Variants in PTPRN2 observed in about 807,000 individuals in gnomAD.
The protein encoded by PTPRN2 is protein tyrosine phosphatase receptor type N2.
A neutral mutation model predicts 118.8 loss-of-function variants in PTPRN2; 74 were observed. That is an observed-to-expected ratio of 0.62 (90% confidence interval 0.52 to 0.76). The LOEUF is 0.76. Ranked by LOEUF, PTPRN2 falls within the 30% of genes least tolerant of loss-of-function variation. PTPRN2 has a pLI of 0.00. For synonymous variants in PTPRN2, 641 were observed against 608.0 expected (o/e 1.05, Z -0.80); for missense variants, 1,481 against 1,394.4 (o/e 1.06, Z -0.99).
At chr7:158,412,264 G>A (rs1386584736) in intron 2 of PTPRN2, among the ~76,000 whole-genome samples, 1 of 91,222 alleles carries the variant, frequency 1.1e-5, no homozygotes, top group African/African-American at 4.8e-5. Context: ...ACCCTCCTCA[G>A]CACCAGGGCC....
At chr7:157,803,946 C>T (rs1805474399) in intron 12 of PTPRN2, among the ~76,000 whole-genome samples, 1 of 152,052 alleles carries the variant, frequency 6.6e-6, no homozygotes, top group South Asian at 2.1e-4. Context: ...TAACATTTTC[C>T]CTAGACAGTG....
At position 157,711,291 on chromosome 7, in the gene PTPRN2, G is replaced by C. The variant is rs1216592222; in HGVS notation, c.1789-28354C>G. Among the ~76,000 whole-genome samples the C allele has an allele frequency of 4.2e-4, 3 of 7,098 alleles. 1 individual carries two copies. The highest frequency in any genetic ancestry group is 6.6e-4 in the Non-Finnish European group (3 of 4,532). The allele number at this position is 7,098 out of a possible 152,430, so 4.7% of individuals were successfully genotyped here. On this transcript the variant is annotated intron_variant, in intron 12 of 22. Transcript: ENST00000389418. ...AGGTTCCGGGGCAGCCGGGTTACACGCGAGAGCCCCACGCGCCGGAGGTTC... is the reference window on the plus strand; with the variant it reads ...AGGTTCCGGGGCAGCCGGGTTACACCCGAGAGCCCCACGCGCCGGAGGTTC...
chr7:158,585,226 G>A (rs143295610), intron 1 of PTPRN2, among the ~76,000 whole-genome samples: 2,423 of 152,306 alleles, frequency 0.016, 49 homozygotes, highest in Admixed American at 0.054. Flanking sequence ...CTGACAAAAT[G>A]GCAGCAACAC....
At position 157,813,427 on chromosome 7, in the gene PTPRN2, A is replaced by C. The variant is rs947627503; in HGVS notation, c.1788+85246T>G. ...CGGACAGGGGTTCGATACGCCATTC[A>C]GGTCCCCAAAACAGCATGTGCAGCT... On this transcript the variant is annotated intron_variant, in intron 12 of 22. Transcript: ENST00000389418. This position sits in a 1 kb window ranked among gnomAD's most constrained non-coding sequence, Gnocchi z 4.7. Among the ~76,000 whole-genome samples, 4 of 152,174 alleles carry C rather than the reference A, an allele frequency of 2.6e-5. No individual in the cohort carries two copies. Among genetic ancestry groups the C allele is most frequent in the African/African-American group, 9.7e-5 (4 of 41,408 alleles).
chr7:157,541,663 C>A (rs1191941099), intron 22 of PTPRN2, among the ~76,000 whole-genome samples: 1 of 152,220 alleles, frequency 6.6e-6, no homozygotes, highest in Non-Finnish European at 1.5e-5. Flanking sequence ...TGGACGGAAA[C>A]AACACTGTTA....
intron 21 of PTPRN2, 126 bp downstream of exon 21, chr7:157,568,776 G>A (rs1003372362): frequency 3.2e-6 from 3 of 926,944 alleles, no homozygotes; most frequent in Non-Finnish European, 5.2e-6. Context: ...CCTTCCTACG[G>A]CCCAGCAGAG....
At chr7:157,847,345 A>G (rs1318485744) in intron 12 of PTPRN2, among the ~76,000 whole-genome samples, 3 of 144,256 alleles carry the variant, frequency 2.1e-5, no homozygotes, top group Admixed American at 6.9e-5. Context: ...CTCTCATTAC[A>G]TCTTCTGTGC....
chr7:158,153,134 C>A (rs1008083602), intron 6 of PTPRN2, among the ~76,000 whole-genome samples: 1 of 152,168 alleles, frequency 6.6e-6, no homozygotes, highest in African/African-American at 2.4e-5. Context: ...CGGAACGATG[C>A]CGAGTGTGGC....
intron 2 of PTPRN2, among the ~76,000 whole-genome samples, chr7:158,422,417 C>G (rs753563089): frequency 3.9e-5 from 6 of 152,174 alleles, no homozygotes; most frequent in Non-Finnish European, 8.8e-5. Flanking sequence ...CAAATCTGGA[C>G]ACGGAATTGA....
chr7:157,788,333 C>T (rs990883700), intron 12 of PTPRN2, among the ~76,000 whole-genome samples: 8 of 149,052 alleles, frequency 5.4e-5, no homozygotes, highest in Non-Finnish European at 1.2e-4. Context: ...TGAGATTGCA[C>T]CACTGCACTC....
chr7:158,310,632 G>A (rs1184982416), intron 3 of PTPRN2, among the ~76,000 whole-genome samples: 1 of 152,154 alleles, frequency 6.6e-6, no homozygotes, highest in Non-Finnish European at 1.5e-5. Flanking sequence ...TGCGCAGCCT[G>A]AGCCAGACAG....
chr7:158,000,305 G>A (rs1025655743), intron 11 of PTPRN2, among the ~76,000 whole-genome samples: 3 of 152,082 alleles, frequency 2.0e-5, no homozygotes, highest in Non-Finnish European at 4.4e-5. Flanking sequence ...AAAACAAAAG[G>A]TTAAAGTGAT....
rs1335177807 is a variant in PTPRN2, at chr7:158,120,982, C to T, written c.1557-10067G>A. Among the ~76,000 whole-genome samples the T allele has an allele frequency of 2.8e-4, 43 of 152,200 alleles. 1 individual carries two copies. Among genetic ancestry groups the T allele is most frequent in the Admixed American group, 2.8e-3 (43 of 15,280 alleles). The stretch of plus-strand genomic sequence containing the variant: ...CTCCAGACTTGCATCCAACCAGCCT[C>T]CCTGCTCCAAGCCAAACCCTCCTGG... On this transcript the variant is annotated intron_variant, in intron 9 of 22. Transcript: ENST00000389418.
rs115347529 is a variant in PTPRN2 at position 158,157,756 on chromosome 7, G to A, written c.910+9175C>T. ...TATAAGCCACAGAGTGACCCCCCCA[G>A]CACCCCGGGTGCCCTCTCCTGCGCC... On this transcript the variant is annotated intron_variant, in intron 6 of 22. Coordinates refer to ENST00000389418, the MANE Select transcript of PTPRN2 (RefSeq NM_002847.5). 6.5e-3 allele frequency among the ~76,000 whole-genome samples: 982 copies of A among 151,924 alleles called. 10 individuals carry two copies. The highest frequency in any genetic ancestry group is 0.022 in the African/African-American group (926 of 41,280).
intron 10 of PTPRN2, among the ~76,000 whole-genome samples, chr7:158,102,019 C>A (rs1490452309): frequency 6.6e-6 from 1 of 152,158 alleles, no homozygotes; most frequent in Non-Finnish European, 1.5e-5. Context: ...GACCCTGGGG[C>A]CCCTCTCCTG....
At chr7:158,085,610 G>A (rs893635663) in intron 10 of PTPRN2, among the ~76,000 whole-genome samples, 2 of 86,084 alleles carry the variant, frequency 2.3e-5, no homozygotes, top group Non-Finnish European at 4.4e-5. Flanking sequence ...CCACACCCAC[G>A]ACGCCCATCC....
At chr7:158,335,688 A>G (rs773135468) in intron 2 of PTPRN2, among the ~76,000 whole-genome samples, 4 of 15,570 alleles carry the variant, frequency 2.6e-4, no homozygotes, top group Non-Finnish European at 6.7e-4. Context: ...AACGTCACTC[A>G]CACCCACACT....
intron 11 of PTPRN2, among the ~76,000 whole-genome samples, chr7:158,072,106 G>T (rs1298923629): frequency 7.1e-6 from 1 of 141,608 alleles, no homozygotes; most frequent in Non-Finnish European, 1.6e-5. Context: ...TAGTATGGAG[G>T]TGCTCATGGT....
intron 3 of PTPRN2, among the ~76,000 whole-genome samples, chr7:158,253,287 G>T (rs1485410262): frequency 6.6e-6 from 1 of 151,070 alleles, no homozygotes; most frequent in East Asian, 1.9e-4. Context: ...AGCACAGCGG[G>T]CGGGGGCCTG....
Sources: allele counts gnomAD v4.1 joint callset (sites outside exome capture counted in the v4.1 genomes callset), GRCh38; gene constraint gnomAD v4.1.1; non-coding constraint Gnocchi (gnomAD v3.1); transcripts MANE v1.5; gene names NCBI Gene and HGNC (gene_info 2026-07-23, HGNC 2026-07-21).